The following RASA1 variants were observed in gnomAD, a reference collection of about 807,000 sequenced individuals.
RASA1 encodes ras GTPase-activating protein 1.
A neutral mutation model predicts 132.2 loss-of-function variants in RASA1; 25 were observed. That is an observed-to-expected ratio of 0.19 (90% CI 0.14 to 0.26). The LOEUF (loss-of-function observed/expected upper bound fraction) is 0.26, where lower values mean the gene tolerates loss of function less well. Among genes scored for constraint, RASA1 ranks in the 10% least tolerant of loss-of-function variants. The pLI is 1.00. For synonymous variants in RASA1, 477 were observed against 449.9 expected (o/e 1.06, Z -0.76); for missense variants, 964 against 1,299.2 (o/e 0.74, Z 3.97).
chr5:87,366,107 G>T (rs928953008), intron 11 of RASA1, among the ~76,000 whole-genome samples: 2 of 152,086 alleles, frequency 1.3e-5, no homozygotes, highest in African/African-American at 2.4e-5. Flanking sequence ...TCATTTTGCA[G>T]ATTTACTGAA....
chr5:87,389,476 G>A lies in RASA1; in HGVS notation c.3009G>A (p.Val1003=), dbSNP rs778423443. The A allele has an allele frequency of 1.2e-6, 2 of 1,614,154 alleles. No individual in the cohort carries two copies. Among genetic ancestry groups the A allele is most frequent in the Non-Finnish European group, 1.7e-6 (2 of 1,179,998 alleles). Residue 1003 remains valine (V), a synonymous_variant, in exon 24 of 25, where the codon GTG becomes GTA. Transcript: ENST00000274376. ...RDLAALHEIC[V]AHSDELRTLS... ...TAGCAGCATTGCATGAGATTTGCGT[G>A]GCTCATTCAGATGAACTTCGAACGC...
intron 1 of RASA1, among the ~76,000 whole-genome samples, chr5:87,321,960 A>G (rs1202268779): frequency 6.6e-6 from 1 of 152,182 alleles, no homozygotes; most frequent in Admixed American, 6.5e-5. Context: ...CTGAGGCCTA[A>G]CACACCAAAC....
At chr5:87,321,662 T>C (rs1009246005) in intron 1 of RASA1, among the ~76,000 whole-genome samples, 2 of 152,358 alleles carry the variant, frequency 1.3e-5, no homozygotes, top group Non-Finnish European at 2.9e-5. Flanking sequence ...GGGTCCCAAA[T>C]GTAGGAGCCT....
At chr5:87,284,610 A>G (rs1165260681) in intron 1 of RASA1, among the ~76,000 whole-genome samples, 1 of 152,200 alleles carries the variant, frequency 6.6e-6, no homozygotes, top group African/African-American at 2.4e-5. Context: ...GAAGAAATGA[A>G]ATTTCAGTTA....
At position 87,268,713 on chromosome 5, in the gene RASA1, G is replaced by T; in HGVS notation, c.262G>T (p.Gly88Trp). 1.2e-6 allele frequency: 2 copies of T among 1,612,488 alleles called. No individual in the cohort carries two copies. The highest frequency in any genetic ancestry group is 1.7e-4 in the Middle Eastern group (1 of 5,972). ...GGCACTGGGGGGAGCTGGACTGACA[G>T]GGGGAGGTACTGCTGCTGGCGTAGC... ...AGALGGAGLT[G>W]GGTAAGVAGA... The change falls in exon 1 of 25, where the codon GGG (glycine) becomes TGG (tryptophan). Residue 88 changes from glycine (G) to tryptophan (W), a missense_variant. Physicochemically the swap from Gly to Trp is radical, Grantham distance 184 (BLOSUM62 -2). This residue lies in a region of RASA1 where 326 missense variants were observed against 275.8 expected (regional missense o/e 1.18). Transcript: ENST00000274376.
chr5:87,323,465 G>A (rs1456631684), intron 1 of RASA1, among the ~76,000 whole-genome samples: 1 of 152,102 alleles, frequency 6.6e-6, no homozygotes, highest in Non-Finnish European at 1.5e-5. Flanking sequence ...GGTTATTGCT[G>A]ATACCAGATG....
chr5:87,310,909 ATT>A (rs1210186334), intron 1 of RASA1, among the ~76,000 whole-genome samples: 1 of 152,186 alleles, frequency 6.6e-6, no homozygotes, highest in African/African-American at 2.4e-5. Context: ...TAATTGTTGT[ATT>A]CTTTGCTGCC....
At chr5:87,287,482 C>T (rs1754677263) in intron 1 of RASA1, among the ~76,000 whole-genome samples, 1 of 145,882 alleles carries the variant, frequency 6.9e-6, no homozygotes, top group South Asian at 2.1e-4. Flanking sequence ...CATATATATA[C>T]ACACCATATA....
chr5:87,340,713 T>TC (rs1758369801), intron 5 of RASA1, among the ~76,000 whole-genome samples: 2 of 152,140 alleles, frequency 1.3e-5, no homozygotes, highest in African/African-American at 2.4e-5. Context: ...GAGGTAGCAT[T>TC]TGAGATAGTT....
intron 1 of RASA1, among the ~76,000 whole-genome samples, chr5:87,302,536 C>T (rs1755412330): frequency 6.7e-6 from 1 of 149,912 alleles, no homozygotes; most frequent in South Asian, 2.1e-4. Context: ...TCAGTTTTTT[C>T]TCTCTTTGTG....
intron 1 of RASA1, among the ~76,000 whole-genome samples, chr5:87,295,610 T>G (rs1755086425): frequency 6.6e-6 from 1 of 152,018 alleles, no homozygotes; most frequent in South Asian, 2.1e-4. Context: ...GCTCAAGTGA[T>G]CCTCCCACCT....
chr5:87,283,918 T>G (rs546277952), intron 1 of RASA1, among the ~76,000 whole-genome samples: 21 of 152,244 alleles, frequency 1.4e-4, no homozygotes, highest in Admixed American at 5.9e-4. Flanking sequence ...TGGATATTCA[T>G]GTACTTGCAT....
intron 9 of RASA1, among the ~76,000 whole-genome samples, chr5:87,355,451 T>C (rs1211567118): frequency 6.6e-6 from 1 of 152,212 alleles, no homozygotes; most frequent in Non-Finnish European, 1.5e-5. Context: ...CATGGTTTAC[T>C]GAATATTTTA....
intron 1 of RASA1, among the ~76,000 whole-genome samples, chr5:87,280,573 A>G (rs1346438449): frequency 6.6e-6 from 1 of 152,084 alleles, no homozygotes; most frequent in African/African-American, 2.4e-5. Flanking sequence ...TCAGCCTCCC[A>G]AAATGCTGGG....
At chr5:87,296,969 T>A (rs1177870627) in intron 1 of RASA1, among the ~76,000 whole-genome samples, 4 of 152,156 alleles carry the variant, frequency 2.6e-5, no homozygotes, top group African/African-American at 9.7e-5. Context: ...TCTCTTTTTT[T>A]TCTTTGCTTT....
At chr5:87,336,666 A>G (rs1191328533) in intron 4 of RASA1, among the ~76,000 whole-genome samples, 1 of 152,142 alleles carries the variant, frequency 6.6e-6, no homozygotes, top group East Asian at 1.9e-4. Context: ...ACTTGAAATT[A>G]GAAATATCTC....
At chr5:87,389,579 G>A (rs757723684) in intron 24 of RASA1, 52 bp downstream of exon 24, 40 of 1,598,974 alleles carry the variant, frequency 2.5e-5, no homozygotes, top group Non-Finnish European at 3.3e-5. Flanking sequence ...ATAACACTTA[G>A]AGAGTTAATA....
chr5:87,325,157 A>G (rs751860144), intron 1 of RASA1, among the ~76,000 whole-genome samples: 13 of 152,082 alleles, frequency 8.5e-5, no homozygotes, highest in Non-Finnish European at 1.8e-4. Flanking sequence ...ATCAAGGAGA[A>G]GTACTGAGCA....
intron 11 of RASA1, among the ~76,000 whole-genome samples, chr5:87,365,978 T>G (rs1289156398): frequency 6.6e-6 from 1 of 152,112 alleles, no homozygotes; most frequent in Non-Finnish European, 1.5e-5. Flanking sequence ...GTTTTCAGTT[T>G]TAGGTGAGAA....
Sources: gnomAD v4.1 joint callset for allele counts (sites outside exome capture counted in the v4.1 genomes callset) on GRCh38, gnomAD v4.1.1 for gene constraint, gnomAD v4.1.1 regional missense constraint, MANE v1.5 for transcripts, NCBI Gene and HGNC (gene_info 2026-07-23, HGNC 2026-07-21) for gene names.